NPAS2: variants seen among roughly 807,000 people sequenced by gnomAD.
The protein encoded by NPAS2 is neuronal PAS domain protein 2.
A neutral mutation model predicts 107.5 loss-of-function variants in NPAS2; 23 were observed. That is an observed-to-expected ratio of 0.21 (90% CI 0.15 to 0.30). The LOEUF is 0.30. Among genes scored for constraint, NPAS2 ranks in the 10% least tolerant of loss-of-function variants. The pLI, the probability that NPAS2 is intolerant of heterozygous loss-of-function variation, is 1.00. For missense variants in NPAS2, 756 were observed against 1,043.3 expected (o/e 0.72, Z 3.79); for synonymous variants, 403 against 417.5 (o/e 0.97, Z 0.42).
rs769803607 is a variant in NPAS2 at position 100,988,179 on chromosome 2, C to A, written c.1730C>A (p.Pro577His). Residue 577 changes from proline to histidine, a missense_variant, in exon 17 of 21, where the codon CCC becomes CAC. Pro to His is a moderately conservative substitution (Grantham distance 77, BLOSUM62 -2). Coordinates refer to ENST00000335681, the MANE Select transcript of NPAS2 (RefSeq NM_002518.4). ...CAAAGGTCAGCTGCAGTGACTCAGC[C>A]CCAGCTCGGGGCGGGCCCCCAACTT... ...LQQRSAAVTQ[P>H]QLGAGPQLPG... is the part of the protein sequence containing the mutation. 15 of 1,614,088 alleles carry A rather than the reference C, an allele frequency of 9.3e-6. No homozygotes were observed. The South Asian group carries it at 1.6e-4, about 18-fold the overall frequency.
At chr2:100,915,787 A>G (rs964056506) in intron 2 of NPAS2, among the ~76,000 whole-genome samples, 1 of 152,216 alleles carries the variant, frequency 6.6e-6, no homozygotes, top group African/African-American at 2.4e-5. Flanking sequence ...GAGAATTACT[A>G]AAGGAAGTTT....
chr2:100,960,284 C>T (rs57069400), intron 7 of NPAS2, among the ~76,000 whole-genome samples: 30,297 of 151,800 alleles, frequency 0.2, 3,840 homozygotes, highest in African/African-American at 0.37. Context: ...AGCACGAGGC[C>T]GGGCACGGTG....
At chr2:100,878,011 T>C in intron 1 of NPAS2, 7 of 985,438 alleles carry the variant, frequency 7.1e-6, no homozygotes, top group Non-Finnish European at 8.4e-6. Context: ...ACGTGTGGTA[T>C]AGCTAATACC....
intron 5 of NPAS2, among the ~76,000 whole-genome samples, chr2:100,942,259 G>A (rs982690450): frequency 6.6e-6 from 1 of 152,146 alleles, no homozygotes; most frequent in African/African-American, 2.4e-5. Context: ...GGCACAGCAG[G>A]AGGAGATCCC....
intron 16 of NPAS2, chr2:100,984,935 G>A (rs1677692622): frequency 1.3e-5 from 2 of 151,992 alleles, no homozygotes; most frequent in Non-Finnish European, 2.9e-5. Flanking sequence ...GTTTGCACCT[G>A]GATGGGGTCA....
At chr2:100,925,107 G>A (rs201699146) in intron 2 of NPAS2, 39 bp from the exon 3 acceptor site, 37 of 1,577,520 alleles carry the variant, frequency 2.3e-5, no homozygotes, top group African/African-American at 1.4e-4. Context: ...CCTTTGTGAC[G>A]TGGAATGTTC....
intron 2 of NPAS2, among the ~76,000 whole-genome samples, chr2:100,915,905 T>G (rs981534915): frequency 1.3e-5 from 2 of 152,168 alleles, no homozygotes; most frequent in African/African-American, 4.8e-5. Flanking sequence ...TGATAGGGTA[T>G]ATTTAGTGTA....
At chr2:100,853,136 ATTG>A (rs1357836689) in intron 1 of NPAS2, among the ~76,000 whole-genome samples, 6 of 152,216 alleles carry the variant, frequency 3.9e-5, no homozygotes, top group Non-Finnish European at 8.8e-5. Context: ...AAGACTATCC[ATTG>A]TGACTACAGT....
chr2:100,960,167 A>T (rs1675835522), intron 7 of NPAS2, among the ~76,000 whole-genome samples: 1 of 152,194 alleles, frequency 6.6e-6, no homozygotes, highest in South Asian at 2.1e-4. Flanking sequence ...AATCCCAAGA[A>T]TACCAGCCCA....
chr2:100,982,287 G>A lies in NPAS2; in HGVS notation c.1539G>A (p.Thr513=), dbSNP rs1464377390. ...TCAAAGACCAGCTAGAGCAGCGGAC[G>A]CGGATCCTGCAGGCCAATATCCGGT... ...QTIKDQLEQR[T]RILQANIRWQ... Residue 513 remains threonine, a synonymous_variant, in exon 16 of 21, where the codon ACG becomes ACA. Transcript: ENST00000335681. 7.4e-6 allele frequency: 12 copies of A among 1,614,194 alleles called. No individual in the cohort carries two copies. Among genetic ancestry groups the A allele is most frequent in the South Asian group, 4.4e-5 (4 of 91,082 alleles).
intron 1 of NPAS2, among the ~76,000 whole-genome samples, chr2:100,846,428 C>T (rs1466524543): frequency 6.6e-6 from 1 of 152,122 alleles, no homozygotes. Flanking sequence ...CATTTCTTCT[C>T]TTGTCTTTGT....
At chr2:100,834,735 A>G (rs1320219362) in intron 1 of NPAS2, among the ~76,000 whole-genome samples, 1 of 151,650 alleles carries the variant, frequency 6.6e-6, no homozygotes, top group East Asian at 1.9e-4. Flanking sequence ...TCTGTTGCCC[A>G]GGCTGGAGGA....
intron 2 of NPAS2, among the ~76,000 whole-genome samples, chr2:100,922,135 G>A (rs1683263769): frequency 1.3e-5 from 2 of 152,146 alleles, no homozygotes; most frequent in Non-Finnish European, 2.9e-5. Flanking sequence ...TATGGCTGGG[G>A]GTGGGCGGAT....
chr2:100,995,959 C>T lies in NPAS2; in HGVS notation c.*377C>T. On this transcript the variant is annotated 3_prime_UTR_variant, in exon 21 of 21. Transcript: ENST00000335681. ...CCGCCCATCTGCGCTAGCTGGCCTT[C>T]ACGCTCTTGATCGTCTTTCCTTTGT... 7.5e-7 allele frequency: 1 copy of T among 1,341,718 alleles called. No individual in the cohort carries two copies. 83.1% of individuals were successfully genotyped at this position (1,341,718 alleles called of 1,614,324 possible).
rs566088080 is a variant in NPAS2, at chr2:100,938,434, G to A, written c.363+592G>A. On this transcript the variant is annotated intron_variant, in intron 5 of 20. Coordinates refer to ENST00000335681, the MANE Select transcript of NPAS2 (RefSeq NM_002518.4). Reference sequence around the variant, plus strand: ...AGAGGGTCGGCTTTGCATTCCAGAAGTGCACGATGGAAGCTCCAAGGTGGC... The same window carrying A: ...AGAGGGTCGGCTTTGCATTCCAGAAATGCACGATGGAAGCTCCAAGGTGGC... Among the ~76,000 whole-genome samples the A allele has an allele frequency of 9.9e-5, 15 of 152,162 alleles. No homozygotes were observed. In the East Asian group the frequency reaches 2.5e-3, roughly 26 times the overall value.
chr2:100,989,217 T>G (rs1677967919), intron 17 of NPAS2: 1 of 155,008 alleles, frequency 6.5e-6, no homozygotes, highest in Non-Finnish European at 1.4e-5. Flanking sequence ...GTGGCTTTGG[T>G]AAAGTCAGCT....
At chr2:100,961,033 A>T (rs577967233) in intron 7 of NPAS2, among the ~76,000 whole-genome samples, 1 of 152,294 alleles carries the variant, frequency 6.6e-6, no homozygotes, top group South Asian at 2.1e-4. Flanking sequence ...TTTTCTCTAT[A>T]TTGTGAGTGG....
At chr2:100,934,478 C>T (rs1304567533) in intron 4 of NPAS2, among the ~76,000 whole-genome samples, 16 of 152,174 alleles carry the variant, frequency 1.1e-4, no homozygotes, top group Admixed American at 9.2e-4. Context: ...AGTCTTTATG[C>T]ACTTTCCCTT....
In NPAS2 at chr2:100,879,660, A is replaced by G. The variant is rs77612666; in HGVS notation, c.-22-25073A>G. ...TCCAGGCCCGACCATGTTGTGGGAAATGGCAGGACCTCCTGATTCCCTTTT... is the reference window on the plus strand; with the variant it reads ...TCCAGGCCCGACCATGTTGTGGGAAGTGGCAGGACCTCCTGATTCCCTTTT... On this transcript the variant is annotated intron_variant, in intron 1 of 20. Coordinates refer to ENST00000335681, the MANE Select transcript of NPAS2 (RefSeq NM_002518.4). Among the ~76,000 whole-genome samples, 84 of 152,316 alleles carry G rather than the reference A, an allele frequency of 5.5e-4. 3 individuals carry two copies. The East Asian group carries it at 0.014, about 26-fold the overall frequency.
Sources: allele counts gnomAD v4.1 joint callset (sites outside exome capture counted in the v4.1 genomes callset), GRCh38; gene constraint gnomAD v4.1.1; transcripts MANE v1.5; gene names NCBI Gene and HGNC (gene_info 2026-07-23, HGNC 2026-07-21).